Variants in SOCS7 observed in about 807,000 individuals in gnomAD.
SOCS7 encodes the protein NAP-4.
In SOCS7, 18 loss-of-function variants were observed where a neutral mutation model predicts 58.9. The observed-to-expected ratio is 0.31, with a 90% confidence interval of 0.21 to 0.45. SOCS7 has a LOEUF of 0.45. Ranked by LOEUF, SOCS7 falls within the 20% of genes least tolerant of loss-of-function variation. The pLI is 1.00. For synonymous variants in SOCS7, 388 were observed against 364.3 expected (o/e 1.06, Z -0.74); for missense variants, 667 against 837.3 (o/e 0.80, Z 2.51).
At chr17:38,380,658 A>G (rs556901902) in intron 7 of SOCS7, among the ~76,000 whole-genome samples, 139 of 151,694 alleles carry the variant, frequency 9.2e-4, no homozygotes, top group African/African-American at 3.2e-3. Flanking sequence ...AATAATAATG[A>G]TAATGATGTG....
chr17:38,392,523 G>A (rs987001014), intron 7 of SOCS7, among the ~76,000 whole-genome samples: 1 of 152,144 alleles, frequency 6.6e-6, no homozygotes, highest in African/African-American at 2.4e-5. Flanking sequence ...ATTCAAAGAG[G>A]CATTTGAACC....
In SOCS7 at chr17:38,352,395, G is replaced by A. The variant is rs757139489; in HGVS notation, c.343G>A (p.Gly115Ser). The change falls in exon 1 of 10, where the codon GGC (glycine) becomes AGC (serine). Residue 115 changes from glycine (G) to serine (S), a missense_variant. Gly to Ser is a moderately conservative substitution (Grantham distance 56). Coordinates refer to ENST00000612932, the MANE Select transcript of SOCS7 (RefSeq NM_014598.4). This position sits in a 1 kb window ranked among gnomAD's most constrained non-coding sequence, Gnocchi z 5.5. ...PPGLALERTW[G>S]PAAGLEAQLA... ...GGGCTTGGCGCTCGAGCGGACCTGG[G>A]GCCCGGCGGCTGGACTAGAGGCGCA... 9 of 1,440,254 alleles carry A rather than the reference G, an allele frequency of 6.2e-6. No individual in the cohort carries two copies. The highest frequency in any genetic ancestry group is 8.1e-6 in the Non-Finnish European group (9 of 1,106,536). The allele number at this position is 1,440,254 out of a possible 1,614,324, so 89.2% of individuals were successfully genotyped here.
At chr17:38,353,571 G>A (rs1168242739) in intron 1 of SOCS7, among the ~76,000 whole-genome samples, 2 of 152,118 alleles carry the variant, frequency 1.3e-5, no homozygotes, top group Non-Finnish European at 2.9e-5. Context: ...AGATGAACTT[G>A]GCATATCAAA....
intron 1 of SOCS7, among the ~76,000 whole-genome samples, chr17:38,357,426 G>T (rs2037655124): frequency 6.6e-6 from 1 of 152,106 alleles, no homozygotes; most frequent in Non-Finnish European, 1.5e-5. Flanking sequence ...AAAAATCTCT[G>T]TCCATTTGAG....
intron 7 of SOCS7, among the ~76,000 whole-genome samples, chr17:38,378,739 C>G (rs1273812253): frequency 6.6e-6 from 1 of 152,192 alleles, no homozygotes; most frequent in African/African-American, 2.4e-5. Context: ...TTCCTGCCCA[C>G]TAAGTTAGGG....
At chr17:38,370,713 G>A (rs1275331257) in intron 6 of SOCS7, among the ~76,000 whole-genome samples, 2 of 150,684 alleles carry the variant, frequency 1.3e-5, no homozygotes, top group African/African-American at 2.4e-5. Flanking sequence ...GCAATGGCGC[G>A]ATCTCAGCTC....
intron 1 of SOCS7, among the ~76,000 whole-genome samples, chr17:38,358,339 A>G (rs2037667769): frequency 6.6e-6 from 1 of 152,210 alleles, no homozygotes; most frequent in South Asian, 2.1e-4. Flanking sequence ...TTGCTCTCCA[A>G]AATATAGTGT....
At chr17:38,354,959 A>G (rs1418970155) in intron 1 of SOCS7, among the ~76,000 whole-genome samples, 4 of 152,188 alleles carry the variant, frequency 2.6e-5, no homozygotes, top group South Asian at 4.1e-4. Context: ...TCTGTCACCA[A>G]CCCTCACACT....
chr17:38,397,767 C>A (rs1304437589), intron 9 of SOCS7, among the ~76,000 whole-genome samples: 2 of 152,164 alleles, frequency 1.3e-5, no homozygotes, highest in African/African-American at 4.8e-5. Context: ...AGACAGGCAG[C>A]AAACATGAAC....
chr17:38,363,916 A>G (rs898566326), intron 2 of SOCS7, among the ~76,000 whole-genome samples: 2 of 152,188 alleles, frequency 1.3e-5, no homozygotes, highest in Non-Finnish European at 2.9e-5. Flanking sequence ...ATTCCTGGCT[A>G]TCAGCTTGTG....
At chr17:38,394,274 G>C (rs531520739) in intron 7 of SOCS7, among the ~76,000 whole-genome samples, 1 of 152,166 alleles carries the variant, frequency 6.6e-6, no homozygotes, top group Non-Finnish European at 1.5e-5. Flanking sequence ...GCACTGAGCG[G>C]TACTAATCCT....
At position 38,352,925 on chromosome 17, in the gene SOCS7, C is replaced by G. The variant is rs370980742; in HGVS notation, c.873C>G (p.Ser291=). ...GCACCAAGAGCTGCAACGGTGGCTC[C>G]GGCGGTGGGGATGGGACCGGCAAGA... ...LFRTKSCNGG[S]GGGDGTGKRP... is the part of the protein sequence containing the mutation. The change falls in exon 1 of 10, where the codon TCC becomes TCG. Residue 291 remains serine (S), a synonymous_variant. Coordinates refer to ENST00000612932, the MANE Select transcript of SOCS7 (RefSeq NM_014598.4). The surrounding 1 kb of genome is among the most constrained non-coding windows in gnomAD (Gnocchi z 5.5). 2 of 1,607,140 alleles carry G rather than the reference C, an allele frequency of 1.2e-6. No individual in the cohort carries two copies. Among genetic ancestry groups the G allele is most frequent in the South Asian group, 1.1e-5 (1 of 89,354 alleles).
chr17:38,373,360 A>G (rs2037891767), intron 6 of SOCS7, among the ~76,000 whole-genome samples: 1 of 152,164 alleles, frequency 6.6e-6, no homozygotes, highest in African/African-American at 2.4e-5. Context: ...AAAATCACTG[A>G]GGAGAAAGGA....
In SOCS7 at chr17:38,404,885, C is replaced by G. The variant is rs1055714021; in HGVS notation, c.*5403C>G. 2 of 152,250 alleles carry G rather than the reference C, an allele frequency of 1.3e-5. No homozygotes were observed. The highest frequency in any genetic ancestry group is 4.8e-5 in the African/African-American group (2 of 41,474). 9.4% of individuals were successfully genotyped at this position (152,250 alleles called of 1,614,324 possible). ...GTAGCTGGCTGTTGGAATGCCCACA[C>G]TGGTGCTGCCTGTGGCATAGCCACT... On this transcript the variant is annotated 3_prime_UTR_variant, in exon 10 of 10. Coordinates refer to ENST00000612932, the MANE Select transcript of SOCS7 (RefSeq NM_014598.4).
chr17:38,377,979 G>A (rs1355120837), intron 7 of SOCS7, 137 bp downstream of exon 7: 1 of 742,166 alleles, frequency 1.3e-6, no homozygotes, highest in East Asian at 2.5e-5. Context: ...CTCTTACAGA[G>A]TCCCATGGTT....
At position 38,387,772 on chromosome 17, in the gene SOCS7, C is replaced by CT. The variant is rs199830504; in HGVS notation, c.1682-7522dup. Among the ~76,000 whole-genome samples the CT allele has an allele frequency of 3.2e-3, 377 of 116,092 alleles. 4 individuals are homozygous for CT. The highest frequency in any genetic ancestry group is 8.8e-3 in the African/African-American group (235 of 26,702). The allele number at this position is 116,092 out of a possible 152,430, so 76.2% of individuals were successfully genotyped here. On this transcript the variant is annotated intron_variant, in intron 7 of 9. Coordinates refer to ENST00000612932, the MANE Select transcript of SOCS7 (RefSeq NM_014598.4). ...GGAATTAAACATACTTAATGGCTTT[C>CT]TTTTTTTTTTTTTTTGAGACAGAGT...
rs570880965 is a variant in SOCS7, at chr17:38,401,052, G to A, written c.*1570G>A. ...TGTGGCTTCCTGATGGTTTGGGTGG[G>A]GCCCCAGTGTCCTGGTAATTTATAG... On this transcript the variant is annotated 3_prime_UTR_variant, in exon 10 of 10. Transcript: ENST00000612932. The A allele has an allele frequency of 2.6e-5, 4 of 152,238 alleles. No individual in the cohort carries two copies. In the East Asian group the frequency reaches 7.7e-4, roughly 29 times the overall value. The allele number at this position is 152,238 out of a possible 1,614,324, so 9.4% of individuals were successfully genotyped here.
At chr17:38,361,059 A>G (rs1555567494) in intron 1 of SOCS7, among the ~76,000 whole-genome samples, 1 of 152,236 alleles carries the variant, frequency 6.6e-6, no homozygotes. Context: ...AACAGCATCA[A>G]GAAGTCATGG....
rs985439475 is a variant in SOCS7, at chr17:38,400,594, A to G, written c.*1112A>G. On this transcript the variant is annotated 3_prime_UTR_variant, in exon 10 of 10. Transcript: ENST00000612932. ...ACGGGATTTCCTTAGGTCAGAGGAGAGCATCGCATCTCACGTTTTTAGGTT... is the reference window on the plus strand; with the variant it reads ...ACGGGATTTCCTTAGGTCAGAGGAGGGCATCGCATCTCACGTTTTTAGGTT... 1 of 152,118 alleles carries G rather than the reference A, an allele frequency of 6.6e-6. No homozygotes were observed. Among genetic ancestry groups the G allele is most frequent in the African/African-American group, 2.4e-5 (1 of 41,438 alleles). 9.4% of individuals were successfully genotyped at this position (152,118 alleles called of 1,614,324 possible).
Sources: gnomAD v4.1 joint callset for allele counts (sites outside exome capture counted in the v4.1 genomes callset) on GRCh38, gnomAD v4.1.1 for gene constraint, Gnocchi (gnomAD v3.1) non-coding constraint, MANE v1.5 for transcripts, NCBI Gene and HGNC (gene_info 2026-07-23, HGNC 2026-07-21) for gene names.